THBS3: variants seen among roughly 807,000 people sequenced by gnomAD.
The protein encoded by THBS3 is thrombospondin-3.
Under a neutral mutation model 118.3 loss-of-function variants are expected in THBS3, and 78 were observed. That is an observed-to-expected ratio of 0.66 (90% confidence interval 0.55 to 0.80). The LOEUF is 0.80. Among genes scored for constraint, THBS3 ranks in the 30% least tolerant of loss-of-function variants. The pLI is 0.00. For synonymous variants in THBS3, 427 were observed against 475.3 expected (o/e 0.90, Z 1.32); for missense variants, 1,057 against 1,247.4 (o/e 0.85, Z 2.30).
In THBS3 at chr1:155,203,211, G is replaced by C. The variant is rs1670054610; in HGVS notation, c.756+12C>G. 6.2e-7 allele frequency: 1 copy of C among 1,614,068 alleles called. No homozygotes were observed. On this transcript the variant is annotated intron_variant, in intron 6 of 22. Coordinates refer to ENST00000368378, the MANE Select transcript of THBS3 (RefSeq NM_007112.5). ...CCAGAATCAGTGCCACCCTTCGCCA[G>C]CCCACCCAAACCTGGTCTCGTATAT...
Position 155,197,927 on chromosome 1 carries a change from C to A in THBS3, c.2255G>T (p.Gly752Val). ...GTTCATGGTCTGAACGATTTCCATG[C>A]CCTGGGGTTGTATAGTAAAGAAAAA... ...IDPNWVVLNQ[G>V]MEIVQTMNSD... Residue 752 changes from glycine to valine, a missense_variant and splice_region_variant, in exon 19 of 23, where the codon GGC becomes GTC. Gly to Val is a moderately radical substitution (Grantham distance 109, BLOSUM62 -3). Coordinates refer to ENST00000368378, the MANE Select transcript of THBS3 (RefSeq NM_007112.5). The surrounding 1 kb of genome is among the most constrained non-coding windows in gnomAD (Gnocchi z 5.0). 6.2e-7 allele frequency: 1 copy of A among 1,614,170 alleles called. No individual in the cohort carries two copies. Among genetic ancestry groups the A allele is most frequent in the Non-Finnish European group, 8.5e-7 (1 of 1,180,036 alleles).
intron 7 of THBS3, 54 bp from the exon 8 acceptor site, chr1:155,203,014 A>C (rs1670014307): frequency 6.2e-7 from 1 of 1,613,866 alleles, no homozygotes; most frequent in Non-Finnish European, 8.5e-7. Flanking sequence ...AAGCCACCAG[A>C]AGGGAAAGCC....
intron 1 of THBS3, among the ~76,000 whole-genome samples, chr1:155,207,401 T>A (rs922662843): frequency 1.3e-5 from 2 of 151,976 alleles, no homozygotes; most frequent in Non-Finnish European, 2.9e-5. Flanking sequence ...GGCTTCTTGG[T>A]CCCCACCCCC....
intron 21 of THBS3, 176 bp downstream of exon 21, chr1:155,196,865 C>T (rs1668754030): frequency 3.2e-6 from 2 of 628,776 alleles, no homozygotes; most frequent in South Asian, 4.0e-5. Context: ...GAAAATGGGT[C>T]ATGGAGGAGT....
At chr1:155,205,662 C>T (rs1225689440) in intron 2 of THBS3, among the ~76,000 whole-genome samples, 1 of 152,092 alleles carries the variant, frequency 6.6e-6, no homozygotes, top group African/African-American at 2.4e-5. Flanking sequence ...CCTGTAGTCC[C>T]AGCTACTCAG....
intron 16 of THBS3, 73 bp from the exon 17 acceptor site, chr1:155,198,675 A>T: frequency 6.7e-7 from 1 of 1,486,786 alleles, no homozygotes; most frequent in Non-Finnish European, 9.2e-7. Context: ...TCTGCCTGGG[A>T]GTCTCTGGAG....
In THBS3 at chr1:155,205,328, G is replaced by T. The variant is rs748897406; in HGVS notation, c.287-12C>A. On this transcript the variant is annotated splice_polypyrimidine_tract_variant and intron_variant, in intron 2 of 22. Transcript: ENST00000368378. Reference sequence around the variant, plus strand: ...GTATCGCACCAGTACTGCCCAGGAGGGGAGATCAGTATGGGCGCTATCCCC... The same window carrying T: ...GTATCGCACCAGTACTGCCCAGGAGTGGAGATCAGTATGGGCGCTATCCCC... 7 of 1,611,682 alleles carry T rather than the reference G, an allele frequency of 4.3e-6. No homozygotes were observed. The African/African-American group carries it at 8.0e-5, about 18-fold the overall frequency.
chr1:155,206,735 A>G lies in THBS3; in HGVS notation c.80-329T>C, dbSNP rs1163035858. Among the ~76,000 whole-genome samples the G allele has an allele frequency of 6.6e-6, 1 of 152,062 alleles. No homozygotes were observed. Among genetic ancestry groups the G allele is most frequent in the Admixed American group, 6.5e-5 (1 of 15,278 alleles). ...CGGGCACCTGTAATCCCAGCTACTCAGGAGGCTGAGGCAGGAGACTCGCTT... is the reference window on the plus strand; with the variant it reads ...CGGGCACCTGTAATCCCAGCTACTCGGGAGGCTGAGGCAGGAGACTCGCTT... On this transcript the variant is annotated intron_variant, in intron 1 of 22. Coordinates refer to ENST00000368378, the MANE Select transcript of THBS3 (RefSeq NM_007112.5). This position sits in a 1 kb window ranked among gnomAD's most constrained non-coding sequence, Gnocchi z 4.2.
intron 16 of THBS3, 86 bp downstream of exon 16, chr1:155,199,718 G>T: frequency 6.8e-7 from 1 of 1,465,512 alleles, no homozygotes; most frequent in Non-Finnish European, 9.5e-7. Flanking sequence ...TCGTGCCACT[G>T]TACTCCAGCC....
At chr1:155,203,045 G>A (rs756485177) in intron 7 of THBS3, 41 bp downstream of exon 7, 28 of 1,613,924 alleles carry the variant, frequency 1.7e-5, no homozygotes, top group African/African-American at 2.7e-5. Flanking sequence ...GGTGGGGAAC[G>A]TGGCACGGTC....
At chr1:155,207,349 A>G (rs1670703526) in intron 1 of THBS3, among the ~76,000 whole-genome samples, 4 of 151,996 alleles carry the variant, frequency 2.6e-5, no homozygotes. Context: ...CCTCTCCCAC[A>G]TCCATCGGCC....
upstream of THBS3, among the ~76,000 whole-genome samples, chr1:155,208,507 G>T (rs999012376): frequency 1.9e-4 from 29 of 152,116 alleles, no homozygotes; most frequent in African/African-American, 6.8e-4. Context: ...TCAGAGTGAA[G>T]AAACCAAAAA....
rs1669391087 is a variant in THBS3 at position 155,199,835 on chromosome 1, C to G, written c.1849G>C (p.Val617Leu). 1.2e-6 allele frequency: 2 copies of G among 1,614,118 alleles called. No homozygotes were observed. The highest frequency in any genetic ancestry group is 2.7e-5 in the African/African-American group (2 of 74,942). ...TCATTAGTATCACAGACATCCCCCA[C>G]CAGGTCGCTGTCTGCATCTGTCTGA... ...PTQTDADSDL[V>L]GDVCDTNEDS... Residue 617 changes from valine to leucine, a missense_variant, in exon 16 of 23, where the codon GTG (valine) becomes CTG (leucine). This residue lies in a region of THBS3 where 544 missense variants were observed against 715.6 expected (regional missense o/e 0.76). Transcript: ENST00000368378.
At position 155,200,984 on chromosome 1, in the gene THBS3, G is replaced by T. The variant is rs1196836783; in HGVS notation, c.1461C>A (p.Pro487=). The T allele has an allele frequency of 6.2e-7, 1 of 1,614,040 alleles. No homozygotes were observed. Among genetic ancestry groups the T allele is most frequent in the Admixed American group, 1.7e-5 (1 of 60,002 alleles). ...HCKQDNCLLT[P]NSGQEDADND... The stretch of plus-strand genomic sequence containing the variant: ...TATCAGCATCTTCCTGCCCAGAGTT[G>T]GGTGTCAAAAGGCAGTTGTCCTAAA... The change falls in exon 13 of 23, where the codon CCC becomes CCA. Residue 487 remains proline, a synonymous_variant. Transcript: ENST00000368378.
At chr1:155,208,647 G>C (rs1431128379), upstream of THBS3, 3 of 782,844 alleles carry the variant, frequency 3.8e-6, no homozygotes, top group African/African-American at 5.4e-5. Flanking sequence ...GGGCGCCTGA[G>C]TTCCCGTCAC....
upstream of THBS3, chr1:155,208,819 A>ACC (rs755845788): frequency 1.3e-6 from 2 of 1,547,234 alleles, no homozygotes; most frequent in South Asian, 2.3e-5. Flanking sequence ...TGCTCGGGGG[A>ACC]CCCCCCCGCA....
chr1:155,203,011 CA>C, intron 7 of THBS3, 51 bp from the exon 8 acceptor site: 1 of 1,613,872 alleles, frequency 6.2e-7, no homozygotes, highest in Non-Finnish European at 8.5e-7. Context: ...TTTAAGCCAC[CA>C]GAAGGGAAAG....
intron 4 of THBS3, among the ~76,000 whole-genome samples, chr1:155,204,195 T>C (rs1670213820): frequency 6.6e-6 from 1 of 152,128 alleles, no homozygotes; most frequent in African/African-American, 2.4e-5. Flanking sequence ...GTGGGTCTTT[T>C]ATTTAGGTGA....
chr1:155,196,555 A>C (rs571298959), intron 21 of THBS3: 1 of 215,042 alleles, frequency 4.7e-6, no homozygotes, highest in Non-Finnish European at 9.3e-6. Flanking sequence ...CTCTAAGCAG[A>C]CCCATTTCCC....
Sources: allele counts gnomAD v4.1 joint callset (sites outside exome capture counted in the v4.1 genomes callset), GRCh38; gene constraint gnomAD v4.1.1; regional missense constraint gnomAD v4.1.1; non-coding constraint Gnocchi (gnomAD v3.1); transcripts MANE v1.5; gene names NCBI Gene and HGNC (gene_info 2026-07-23, HGNC 2026-07-21).